DAB1: variants seen among roughly 807,000 people sequenced by gnomAD.
The protein encoded by DAB1 is disabled homolog 1.
A neutral mutation model predicts 64.6 loss-of-function variants in DAB1; 15 were observed. That is an observed-to-expected ratio of 0.23 (90% CI 0.16 to 0.36). DAB1 has a LOEUF of 0.36. Ranked by LOEUF, DAB1 falls within the 10% of genes least tolerant of loss-of-function variation. The pLI is 1.00. For synonymous variants in DAB1, 235 were observed against 251.9 expected, an observed-to-expected ratio of 0.93 and a Z score of 0.64; for missense variants, 596 against 706.7, an observed-to-expected ratio of 0.84 and a Z score of 1.78.
intron 7 of DAB1, among the ~76,000 whole-genome samples, chr1:57,611,063 T>C (rs1298355679): frequency 6.6e-6 from 1 of 151,964 alleles, no homozygotes; most frequent in African/African-American, 2.4e-5. Flanking sequence ...GCTTTTGCAC[T>C]AGAATAAATC....
intron 5 of DAB1, among the ~76,000 whole-genome samples, chr1:57,912,272 C>T (rs573796405): frequency 4.7e-4 from 72 of 152,266 alleles, no homozygotes; most frequent in African/African-American, 1.4e-3. Flanking sequence ...AATCTAATTT[C>T]GTGGGTCTGT....
At chr1:57,569,330 AC>A (rs1203255028) in intron 7 of DAB1, among the ~76,000 whole-genome samples, 48 of 150,990 alleles carry the variant, frequency 3.2e-4, no homozygotes, top group African/African-American at 1.1e-3. Context: ...AAGACTTGGA[AC>A]CAACCCAAAT....
At chr1:57,193,380 T>C (rs904386688) in intron 2 of DAB1, among the ~76,000 whole-genome samples, 1 of 127,934 alleles carries the variant, frequency 7.8e-6, no homozygotes, top group African/African-American at 3.5e-5. Context: ...CCGTAGCATA[T>C]GTTTTTTTTT....
intron 2 of DAB1, among the ~76,000 whole-genome samples, chr1:57,280,378 T>C (rs1671791639): frequency 6.6e-6 from 1 of 152,138 alleles, no homozygotes; most frequent in African/African-American, 2.4e-5. Context: ...CAATAGGAGA[T>C]TGCTGAAATC....
chr1:58,519,587 A>G (rs1646228550), intron 2 of DAB1, among the ~76,000 whole-genome samples: 1 of 152,064 alleles, frequency 6.6e-6, no homozygotes, highest in Non-Finnish European at 1.5e-5. Flanking sequence ...GAAAAAAAAA[A>G]TATATCATTC....
At chr1:58,432,115 C>T (rs749929512) in intron 3 of DAB1, among the ~76,000 whole-genome samples, 7 of 152,122 alleles carry the variant, frequency 4.6e-5, no homozygotes, top group East Asian at 1.9e-4. Context: ...TTGGTTCCAC[C>T]GGCTCCTCCT....
chr1:58,214,516 C>G (rs1476815924), intron 4 of DAB1, among the ~76,000 whole-genome samples: 1 of 152,048 alleles, frequency 6.6e-6, no homozygotes, highest in Non-Finnish European at 1.5e-5. Flanking sequence ...AGGGAGTGGT[C>G]CCCTATATAA....
rs541881354 is a variant in DAB1 at position 57,246,294 on chromosome 1, T to A, written c.67+44670A>T. Among the ~76,000 whole-genome samples the A allele has an allele frequency of 2.2e-3, 330 of 152,188 alleles. 2 individuals carry two copies. The highest frequency in any genetic ancestry group is 3.6e-3 in the Non-Finnish European group (243 of 68,022). On this transcript the variant is annotated intron_variant, in intron 2 of 14. Coordinates refer to ENST00000371236, the MANE Select transcript of DAB1 (RefSeq NM_001365792.1). The stretch of plus-strand genomic sequence containing the variant: ...CCCTGCTCTGTGCAGCCTTGGGACA[T>A]GGCACCCTATGTCCCAGCTGCTCCA...
chr1:57,414,746 A>G (rs924028255), intron 1 of DAB1, among the ~76,000 whole-genome samples: 3 of 152,236 alleles, frequency 2.0e-5, no homozygotes, highest in African/African-American at 7.2e-5. Flanking sequence ...AATTTTAAAG[A>G]TAACATTTAC....
At chr1:58,093,003 T>C (rs1390790125) in intron 5 of DAB1, among the ~76,000 whole-genome samples, 4 of 152,238 alleles carry the variant, frequency 2.6e-5, no homozygotes, top group Admixed American at 1.3e-4. Flanking sequence ...GGTTCACTAT[T>C]GGAATAAAGC....
At chr1:57,055,994 A>G (rs1649719041) in intron 9 of DAB1, among the ~76,000 whole-genome samples, 1 of 152,170 alleles carries the variant, frequency 6.6e-6, no homozygotes, top group African/African-American at 2.4e-5. Flanking sequence ...TTTAGTCTTT[A>G]CACATTTAGT....
chr1:58,302,927 T>C (rs1662207730), intron 4 of DAB1, among the ~76,000 whole-genome samples: 1 of 152,156 alleles, frequency 6.6e-6, no homozygotes, highest in Non-Finnish European at 1.5e-5. Context: ...GTTTTTTATG[T>C]GTTATGCCAA....
At chr1:57,713,365 G>T (rs1368837581) in intron 6 of DAB1, among the ~76,000 whole-genome samples, 1 of 152,084 alleles carries the variant, frequency 6.6e-6, no homozygotes. Flanking sequence ...ATTTTGATAG[G>T]TTACATGGTA....
intron 4 of DAB1, among the ~76,000 whole-genome samples, chr1:58,236,110 C>G (rs1026716109): frequency 1.3e-5 from 2 of 148,364 alleles, no homozygotes; most frequent in Non-Finnish European, 3.0e-5. Flanking sequence ...CGCCCCCCCG[C>G]CCCACCCCGC....
chr1:57,232,394 A>C (rs1021652684), intron 2 of DAB1, among the ~76,000 whole-genome samples: 1 of 145,918 alleles, frequency 6.9e-6, no homozygotes, highest in Non-Finnish European at 1.5e-5. Context: ...GTATTTATTC[A>C]TTCAATCAGT....
chr1:57,652,630 C>A (rs1646270276), intron 6 of DAB1, among the ~76,000 whole-genome samples: 1 of 151,972 alleles, frequency 6.6e-6, no homozygotes, highest in African/African-American at 2.4e-5. Context: ...AGAAACGTCC[C>A]CTCTTTCATT....
intron 2 of DAB1, among the ~76,000 whole-genome samples, chr1:57,153,629 T>C (rs1659911208): frequency 6.8e-6 from 1 of 147,600 alleles, no homozygotes; most frequent in Non-Finnish European, 1.5e-5. Context: ...TGGGGTTTTT[T>C]TTTTGTTTGT....
At chr1:57,949,502 TC>T (rs1296686054) in intron 5 of DAB1, among the ~76,000 whole-genome samples, 3 of 150,266 alleles carry the variant, frequency 2.0e-5, no homozygotes, top group African/African-American at 7.5e-5. Flanking sequence ...TATCTATCTA[TC>T]TATCTATATC....
chr1:57,762,701 C>T (rs1191732058), intron 6 of DAB1, among the ~76,000 whole-genome samples: 1 of 152,034 alleles, frequency 6.6e-6, no homozygotes, highest in African/African-American at 2.4e-5. Flanking sequence ...GTCTGTGGAC[C>T]AGAATTTGGG....
Sources: allele counts gnomAD v4.1 joint callset (sites outside exome capture counted in the v4.1 genomes callset), GRCh38; gene constraint gnomAD v4.1.1; transcripts MANE v1.5; gene names NCBI Gene and HGNC (gene_info 2026-07-23, HGNC 2026-07-21).